The following FER variants were observed in gnomAD, a reference collection of about 807,000 sequenced individuals.
The protein encoded by FER is FER tyrosine kinase, also known as tyrosine-protein kinase Fer.
In FER, 63 loss-of-function variants were observed where a neutral mutation model predicts 111.0. The observed-to-expected ratio is 0.57, with a 90% confidence interval of 0.46 to 0.70. The LOEUF (loss-of-function observed/expected upper bound fraction) is 0.70. Among genes scored for constraint, FER ranks in the 30% least tolerant of loss-of-function variants. The pLI, the probability that FER is intolerant of heterozygous loss-of-function variation, is 0.00. For missense variants in FER, 914 were observed against 954.0 expected, an observed-to-expected ratio of 0.96 and a Z score of 0.55; for synonymous variants, 327 against 313.9, an observed-to-expected ratio of 1.04 and a Z score of -0.44.
intron 17 of FER, among the ~76,000 whole-genome samples, chr5:109,146,249 ATCTAATATAT>A (rs1191483138): frequency 3.0e-5 from 2 of 67,520 alleles, no homozygotes; most frequent in African/African-American, 1.3e-4. Context: ...TATATAATCT[ATCTAATATAT>A]ATATATATAT....
intron 16 of FER, among the ~76,000 whole-genome samples, chr5:109,075,434 T>C (rs1375948752): frequency 6.6e-6 from 1 of 150,580 alleles, no homozygotes; most frequent in Non-Finnish European, 1.5e-5. Flanking sequence ...TAGCATTTTT[T>C]TTTTTTTTTT....
chr5:108,885,876 A>G (rs1448535026), intron 9 of FER, among the ~76,000 whole-genome samples: 1 of 151,958 alleles, frequency 6.6e-6, no homozygotes, highest in Non-Finnish European at 1.5e-5. Context: ...AATTTTTAGT[A>G]TTGCATTAAC....
intron 16 of FER, among the ~76,000 whole-genome samples, chr5:109,065,241 A>G (rs1334818329): frequency 6.6e-6 from 1 of 152,184 alleles, no homozygotes; most frequent in African/African-American, 2.4e-5. Flanking sequence ...TTTTTCCAAG[A>G]TTAAAAGACA....
intron 16 of FER, among the ~76,000 whole-genome samples, chr5:109,066,942 G>C (rs981034931): frequency 1.3e-5 from 2 of 152,140 alleles, no homozygotes. Flanking sequence ...TTTTGTTTTA[G>C]GGGCCTTAGG....
At chr5:108,855,786 C>G (rs1762950655) in intron 5 of FER, among the ~76,000 whole-genome samples, 2 of 151,796 alleles carry the variant, frequency 1.3e-5, no homozygotes, top group Non-Finnish European at 2.9e-5. Flanking sequence ...GTGATTTTGA[C>G]AAGAGAAGTT....
At chr5:108,896,457 C>G (rs1412411197) in intron 9 of FER, among the ~76,000 whole-genome samples, 1 of 152,050 alleles carries the variant, frequency 6.6e-6, no homozygotes, top group Non-Finnish European at 1.5e-5. Context: ...ATGCTGATTA[C>G]CATTTATTGA....
intron 6 of FER, among the ~76,000 whole-genome samples, chr5:108,869,575 C>A (rs1285246141): frequency 6.6e-6 from 1 of 152,054 alleles, no homozygotes; most frequent in Admixed American, 6.6e-5. Context: ...GAGAGAGACA[C>A]AGAGAAGGCC....
chr5:108,778,514 T>A (rs560709945), intron 2 of FER, among the ~76,000 whole-genome samples: 31 of 152,316 alleles, frequency 2.0e-4, no homozygotes, highest in African/African-American at 6.0e-4. Flanking sequence ...GTCCTGGATT[T>A]TGGCTGTTCT....
chr5:109,039,174 G>T (rs1365572009), intron 14 of FER, among the ~76,000 whole-genome samples: 1 of 150,820 alleles, frequency 6.6e-6, no homozygotes, highest in Non-Finnish European at 1.5e-5. Context: ...AGACTTTGGA[G>T]TTAAGTTATA....
intron 17 of FER, among the ~76,000 whole-genome samples, chr5:109,135,389 C>A (rs1266626029): frequency 6.6e-6 from 1 of 152,196 alleles, no homozygotes; most frequent in Non-Finnish European, 1.5e-5. Flanking sequence ...TAGGGCAGAA[C>A]CAGCTTTTGA....
chr5:108,929,506 A>G (rs935135932), intron 10 of FER, among the ~76,000 whole-genome samples: 3 of 152,128 alleles, frequency 2.0e-5, no homozygotes, highest in African/African-American at 7.2e-5. Flanking sequence ...GCATTATTTC[A>G]CCCAAAGCAA....
intron 1 of FER, chr5:108,748,706 T>C (rs1007417138): frequency 6.6e-6 from 1 of 152,230 alleles, no homozygotes; most frequent in African/African-American, 2.4e-5. Flanking sequence ...GGGCTAAGCG[T>C]GCGCCCACCC....
chr5:108,843,884 C>T (rs1023696103), intron 5 of FER, among the ~76,000 whole-genome samples: 18 of 151,886 alleles, frequency 1.2e-4, no homozygotes, highest in African/African-American at 3.1e-4. Flanking sequence ...ATTTCAAGCC[C>T]GTAGAAAAGT....
At chr5:108,763,584 G>A (rs1288685588) in intron 1 of FER, among the ~76,000 whole-genome samples, 2 of 152,296 alleles carry the variant, frequency 1.3e-5, no homozygotes, top group African/African-American at 4.8e-5. Flanking sequence ...TCTTACCCTA[G>A]AATATAAGTA....
At chr5:108,885,672 C>A (rs928908972) in intron 9 of FER, among the ~76,000 whole-genome samples, 2 of 151,740 alleles carry the variant, frequency 1.3e-5, no homozygotes, top group African/African-American at 4.8e-5. Context: ...GATAAGGGCT[C>A]TACCTTCATG....
Position 108,883,443 on chromosome 5 carries a change from T to C in FER, c.971T>C (p.Leu324Ser), listed in dbSNP as rs751795881. 6.2e-7 allele frequency: 1 copy of C among 1,609,506 alleles called. No homozygotes were observed. Among genetic ancestry groups the C allele is most frequent in the Non-Finnish European group, 8.5e-7 (1 of 1,176,998 alleles). Residue 324 changes from leucine to serine, a missense_variant, in exon 9 of 20, where the codon TTA becomes TCA. Transcript: ENST00000281092. ...CTTATGCAAACACAGCAGATGCTTT[T>C]AAACAAGGAGGAGGCTGTTTTGGAG... ...EELMQTQQML[L>S]NKEEAVLELE... is the part of the protein sequence containing the mutation.
intron 2 of FER, among the ~76,000 whole-genome samples, chr5:108,780,594 T>G (rs1158218809): frequency 6.6e-6 from 1 of 152,026 alleles, no homozygotes; most frequent in African/African-American, 2.4e-5. Flanking sequence ...GGTGTAGTTT[T>G]TTGTTGTTGT....
chr5:109,166,404 A>G (rs567760587), intron 17 of FER, among the ~76,000 whole-genome samples: 1 of 152,276 alleles, frequency 6.6e-6, no homozygotes, highest in African/African-American at 2.4e-5. Flanking sequence ...TGAATGAGAA[A>G]GAAGCAAGTA....
At chr5:109,137,323 C>T (rs1293923590) in intron 17 of FER, among the ~76,000 whole-genome samples, 1 of 152,154 alleles carries the variant, frequency 6.6e-6, no homozygotes, top group Non-Finnish European at 1.5e-5. Context: ...ATCAGAGGGT[C>T]CACATACCAT....
Sources: gnomAD v4.1 joint callset for allele counts (sites outside exome capture counted in the v4.1 genomes callset) on GRCh38, gnomAD v4.1.1 for gene constraint, MANE v1.5 for transcripts, NCBI Gene and HGNC (gene_info 2026-07-23, HGNC 2026-07-21) for gene names.